Variants in CLDN34 observed in about 807,000 individuals in gnomAD.
The protein encoded by CLDN34 is claudin 34.
For synonymous variants in CLDN34, 71 were observed against 65.0 expected, an observed-to-expected ratio of 1.09 and a Z score of -0.45; for missense variants, 166 against 171.5, an observed-to-expected ratio of 0.97 and a Z score of 0.18.
At position 9,967,940 on chromosome X, in the gene CLDN34, T is replaced by C. The variant is rs988643871; in HGVS notation, c.583T>C (p.Phe195Leu). 1.7e-6 allele frequency: 2 copies of C among 1,152,504 alleles called. No individual in the cohort carries two copies. Among genetic ancestry groups the C allele is most frequent in the Admixed American group, 2.6e-5 (1 of 38,396 alleles). The allele number at this position is 1,152,504 out of a possible 1,213,427, so 95.0% of individuals were successfully genotyped here. A position where few individuals can be genotyped will look rare whatever the true frequency, so the allele number is the denominator to read the frequency against. Residue 195 changes from phenylalanine (F) to leucine (L), a missense_variant, in exon 1 of 1, where the codon TTT becomes CTT. Transcript: ENST00000445307. ...CTTGCCGATGCTGTTAACTGGGATGTTTTCTCTGTTTTACAAATGTCCCCC... is the reference window on the plus strand; with the variant it reads ...CTTGCCGATGCTGTTAACTGGGATGCTTTCTCTGTTTTACAAATGTCCCCC... ...GVLPMLLTGM[F>L]SLFYKCPPYG...
In CLDN34 at chrX:9,967,482, C is replaced by A; in HGVS notation, c.125C>A (p.Thr42Asn). The A allele has an allele frequency of 8.7e-7, 1 of 1,155,509 alleles. No individual in the cohort carries two copies. Among genetic ancestry groups the A allele is most frequent in the East Asian group, 3.3e-5 (1 of 30,754 alleles). ...VEWRIWYMKD[T>N]SLYPPGIACV... ...TGGCGAATATGGTACATGAAAGACA[C>A]CTCGCTCTACCCCCCTGGAATCGCC... The change falls in exon 1 of 1, where the codon ACC becomes AAC. Residue 42 changes from threonine (T) to asparagine (N), a missense_variant. By Grantham distance (65) the Thr-to-Asn change is moderately conservative. Coordinates refer to ENST00000445307, the MANE Select transcript of CLDN34 (RefSeq NM_001195081.2).
In CLDN34 at chrX:9,968,101, C is replaced by A; in HGVS notation, c.*99C>A. On this transcript the variant is annotated 3_prime_UTR_variant, in exon 1 of 1. Coordinates refer to ENST00000445307, the MANE Select transcript of CLDN34 (RefSeq NM_001195081.2). ...CCAAATATTTCCAACGACTCAAGAC[C>A]GTGGCATGGGTAGTTTGGGACAGAA... The A allele has an allele frequency of 1.2e-6, 1 of 845,122 alleles. No individual in the cohort carries two copies. The highest frequency in any genetic ancestry group is 1.7e-6 in the Non-Finnish European group (1 of 589,504). 69.6% of individuals were successfully genotyped at this position (845,122 alleles called of 1,213,427 possible). A position where few individuals can be genotyped will look rare whatever the true frequency, so the allele number is the denominator to read the frequency against.
Sources: gnomAD v4.1 joint callset for allele counts on GRCh38, gnomAD v4.1.1 for gene constraint, MANE v1.5 for transcripts, NCBI Gene and HGNC (gene_info 2026-07-23, HGNC 2026-07-21) for gene names.